Variants in PPFIA2 observed in about 807,000 individuals in gnomAD.
PPFIA2 encodes the protein liprin-alpha-2.
In PPFIA2, 46 loss-of-function variants were observed where a neutral mutation model predicts 175.5. That is an observed-to-expected ratio of 0.26 (90% CI 0.21 to 0.34). The LOEUF (loss-of-function observed/expected upper bound fraction) is 0.34. Ranked by LOEUF, PPFIA2 falls within the 10% of genes least tolerant of loss-of-function variation. The pLI is 1.00. For missense variants in PPFIA2, 1,179 were observed against 1,506.1 expected (o/e 0.78, Z 3.60); for synonymous variants, 568 against 511.4 (o/e 1.11, Z -1.49).
intron 3 of PPFIA2, among the ~76,000 whole-genome samples, chr12:81,722,385 T>C (rs2079472810): frequency 6.6e-6 from 1 of 151,238 alleles, no homozygotes; most frequent in African/African-American, 2.4e-5. Flanking sequence ...CATCAAGTCA[T>C]ATATTTATGA....
At chr12:81,526,521 T>C (rs1248457963) in intron 4 of PPFIA2, among the ~76,000 whole-genome samples, 1 of 152,190 alleles carries the variant, frequency 6.6e-6, no homozygotes, top group Non-Finnish European at 1.5e-5. Flanking sequence ...TTCTGTTGCT[T>C]TAACATATAG....
At chr12:81,279,835 C>G (rs915323042) in intron 27 of PPFIA2, among the ~76,000 whole-genome samples, 1 of 152,128 alleles carries the variant, frequency 6.6e-6, no homozygotes, top group African/African-American at 2.4e-5. Context: ...CTCACTACCT[C>G]ACAATGTATA....
intron 4 of PPFIA2, among the ~76,000 whole-genome samples, chr12:81,607,867 G>C (rs2060489218): frequency 6.6e-6 from 1 of 152,046 alleles, no homozygotes; most frequent in Admixed American, 6.6e-5. Context: ...TCTTTGTCTG[G>C]TTCCATTTCT....
At chr12:81,299,485 T>C in intron 22 of PPFIA2, 103 bp from the exon 23 acceptor site, 7 of 1,406,366 alleles carry the variant, frequency 5.0e-6, no homozygotes, top group South Asian at 1.5e-5. Context: ...CTTTACAAGA[T>C]TTTTTATGAT....
Position 81,384,127 on chromosome 12 carries a change from G to A in PPFIA2, c.880C>T (p.Leu294Phe), listed in dbSNP as rs778275021. The A allele has an allele frequency of 3.1e-6, 5 of 1,613,100 alleles. No homozygotes were observed. The highest frequency in any genetic ancestry group is 1.7e-5 in the Admixed American group (1 of 59,838). ...MAQMKERLAA[L>F]SSRVGEVEQE... is the part of the protein sequence containing the mutation. Reference sequence around the variant, plus strand: ...TCCACCTCTCCCACTCGGGAAGAAAGGGCTGCTAAACGTTCTTTCATCTGG... The same window carrying A: ...TCCACCTCTCCCACTCGGGAAGAAAAGGCTGCTAAACGTTCTTTCATCTGG... The change falls in exon 9 of 33, where the codon CTT (leucine) becomes TTT (phenylalanine). Residue 294 changes from leucine to phenylalanine, a missense_variant. Physicochemically the swap from Leu to Phe is conservative, Grantham distance 22. Around this residue, in one of 10 missense-constraint regions of PPFIA2, gnomAD observed 226 missense variants for 216.6 expected, o/e 1.04. Transcript: ENST00000549396.
chr12:81,689,909 A>G (rs2153585855), intron 3 of PPFIA2, among the ~76,000 whole-genome samples: 1 of 152,190 alleles, frequency 6.6e-6, no homozygotes, highest in Non-Finnish European at 1.5e-5. Flanking sequence ...CAAAGTCTGG[A>G]TATTTCTTTT....
intron 22 of PPFIA2, among the ~76,000 whole-genome samples, chr12:81,307,719 T>C (rs7958265): frequency 0.97 from 146,956 of 152,184 alleles, 71,136 homozygotes; most frequent in Non-Finnish European, 1. Flanking sequence ...GACTCACCTG[T>C]TTAAAAGCCT....
intron 4 of PPFIA2, among the ~76,000 whole-genome samples, chr12:81,490,263 T>C (rs1367589609): frequency 6.6e-6 from 1 of 151,936 alleles, no homozygotes; most frequent in Non-Finnish European, 1.5e-5. Flanking sequence ...CCTGCGAATA[T>C]TGCTTTGTAG....
chr12:81,524,765 G>A (rs371069812), intron 4 of PPFIA2, among the ~76,000 whole-genome samples: 2 of 152,270 alleles, frequency 1.3e-5, no homozygotes, highest in East Asian at 3.9e-4. Context: ...GGGGGATGGG[G>A]CAGAATGAAA....
intron 5 of PPFIA2, among the ~76,000 whole-genome samples, chr12:81,449,793 C>T (rs1392309472): frequency 7.1e-6 from 1 of 141,104 alleles, no homozygotes; most frequent in Non-Finnish European, 1.5e-5. Flanking sequence ...CCCCCCTCCC[C>T]CCGACCCCAT....
At chr12:81,325,185 T>C (rs969489542) in intron 22 of PPFIA2, among the ~76,000 whole-genome samples, 5 of 152,128 alleles carry the variant, frequency 3.3e-5, no homozygotes, top group African/African-American at 7.2e-5. Flanking sequence ...AAAATGTTAC[T>C]ATGTATTTTT....
chr12:81,613,557 T>C (rs1043937274), intron 4 of PPFIA2, among the ~76,000 whole-genome samples: 8 of 152,190 alleles, frequency 5.3e-5, no homozygotes, highest in African/African-American at 1.7e-4. Context: ...ATGTAGGTTC[T>C]ATGATACACT....
intron 11 of PPFIA2, among the ~76,000 whole-genome samples, chr12:81,372,741 G>A (rs563915801): frequency 2.0e-5 from 3 of 151,352 alleles, no homozygotes; most frequent in African/African-American, 7.3e-5. Flanking sequence ...AATATAAAAA[G>A]TATATATTTA....
At chr12:81,303,923 A>T (rs1267896677) in intron 22 of PPFIA2, among the ~76,000 whole-genome samples, 1 of 152,162 alleles carries the variant, frequency 6.6e-6, no homozygotes, top group African/African-American at 2.4e-5. Context: ...CTAAATCCAG[A>T]TGGAAATGCC....
At chr12:81,671,644 CA>C (rs1007977017) in intron 4 of PPFIA2, among the ~76,000 whole-genome samples, 14 of 151,916 alleles carry the variant, frequency 9.2e-5, no homozygotes, top group African/African-American at 3.4e-4. Context: ...GTATAAAGTA[CA>C]AATTCCTTCC....
intron 4 of PPFIA2, among the ~76,000 whole-genome samples, chr12:81,468,235 C>A (rs2056084617): frequency 6.6e-6 from 1 of 152,198 alleles, no homozygotes; most frequent in Non-Finnish European, 1.5e-5. Flanking sequence ...TCTGACTCAT[C>A]TTTATGGAGG....
At chr12:81,506,018 G>C (rs963024446) in intron 4 of PPFIA2, 2 of 152,180 alleles carry the variant, frequency 1.3e-5, no homozygotes, top group Non-Finnish European at 2.9e-5. Flanking sequence ...ATCCGACAGG[G>C]TTGCCTCGAT....
intron 29 of PPFIA2, 66 bp downstream of exon 29, chr12:81,267,846 T>C: frequency 4.2e-6 from 6 of 1,438,748 alleles, no homozygotes; most frequent in Non-Finnish European, 4.7e-6. Context: ...CCAATTTTTT[T>C]CTAAAAGTTT....
intron 4 of PPFIA2, among the ~76,000 whole-genome samples, chr12:81,646,938 A>T (rs75583658): frequency 0.013 from 1,977 of 152,168 alleles, 54 homozygotes; most frequent in African/African-American, 0.046. Context: ...AAGGAAAAAA[A>T]GTTCTAGTGT....
Sources: allele counts gnomAD v4.1 joint callset (sites outside exome capture counted in the v4.1 genomes callset), GRCh38; gene constraint gnomAD v4.1.1; regional missense constraint gnomAD v4.1.1; transcripts MANE v1.5; gene names NCBI Gene and HGNC (gene_info 2026-07-23, HGNC 2026-07-21).